Variants in GRM5 observed in about 807,000 individuals in gnomAD.
GRM5 encodes glutamate metabotropic receptor 5.
A neutral mutation model predicts 83.1 loss-of-function variants in GRM5; 19 were observed. The ratio of observed to expected loss-of-function variants is 0.23; its 90% CI spans 0.16 to 0.34. The LOEUF (loss-of-function observed/expected upper bound fraction) is 0.34, where lower values mean the gene tolerates loss of function less well. GRM5 is among the 10% of genes least tolerant of loss of function. GRM5 has a pLI of 1.00. For missense variants in GRM5, 1,160 were observed against 1,588.3 expected (o/e 0.73, Z 4.58); for synonymous variants, 675 against 633.6 (o/e 1.07, Z -0.98).
At position 88,865,748 on chromosome 11, in the gene GRM5, G is replaced by A. The variant is rs139243506; in HGVS notation, c.662-15593C>T. On this transcript the variant is annotated intron_variant, in intron 2 of 9. Transcript: ENST00000305447. ...CAACCCCATGAAAAAGTGGGTGAAG[G>A]ATATGAACAGACATTTCGCAAAAGA... Among the ~76,000 whole-genome samples the A allele has an allele frequency of 9.8e-3, 1,491 of 152,052 alleles. 27 individuals carry two copies. The highest frequency in any genetic ancestry group is 0.071 in the East Asian group (369 of 5,172).
intron 2 of GRM5, among the ~76,000 whole-genome samples, chr11:88,967,036 C>T (rs898947936): frequency 2.0e-5 from 3 of 151,884 alleles, no homozygotes; most frequent in South Asian, 2.1e-4. Flanking sequence ...TACACCCTAT[C>T]GGGCATAGTA....
At chr11:88,589,201 C>G (rs771108877) in intron 7 of GRM5, among the ~76,000 whole-genome samples, 19 of 150,842 alleles carry the variant, frequency 1.3e-4, no homozygotes, top group Non-Finnish European at 2.8e-4. Context: ...TCAAGAAAAC[C>G]AATCATAGTA....
At chr11:88,923,370 T>TA (rs995921197) in intron 2 of GRM5, among the ~76,000 whole-genome samples, 2 of 152,188 alleles carry the variant, frequency 1.3e-5, no homozygotes, top group South Asian at 2.1e-4. Flanking sequence ...TATTCAGGCA[T>TA]AAAAAAATGA....
At chr11:89,057,288 C>T (rs4592422) in intron 1 of GRM5, among the ~76,000 whole-genome samples, 136,171 of 152,168 alleles carry the variant, frequency 0.89, 60,984 homozygotes, top group East Asian at 0.92. Context: ...TAAGAGACAG[C>T]CTGAGGTGCA....
intron 2 of GRM5, among the ~76,000 whole-genome samples, chr11:89,043,556 G>A (rs1383036940): frequency 1.3e-5 from 2 of 150,048 alleles, no homozygotes; most frequent in African/African-American, 5.0e-5. Context: ...CGAATTTCAA[G>A]AATATTAATG....
intron 3 of GRM5, among the ~76,000 whole-genome samples, chr11:88,666,205 C>A (rs72643304): frequency 0.021 from 3,134 of 152,260 alleles, 87 homozygotes; most frequent in East Asian, 0.12. Context: ...GTTCATTAGT[C>A]TATTTCCTGT....
At chr11:88,865,421 A>G (rs1370393091) in intron 2 of GRM5, among the ~76,000 whole-genome samples, 1 of 152,230 alleles carries the variant, frequency 6.6e-6, no homozygotes, top group African/African-American at 2.4e-5. Flanking sequence ...AAGATGGATT[A>G]AAGACTTAAA....
At chr11:88,565,125 T>A (rs1309736074) in intron 8 of GRM5, among the ~76,000 whole-genome samples, 3 of 151,052 alleles carry the variant, frequency 2.0e-5, no homozygotes. Context: ...ATCTCCATTT[T>A]TTCGGAGGAA....
intron 2 of GRM5, among the ~76,000 whole-genome samples, chr11:88,998,815 A>G (rs1438086869): frequency 1.3e-5 from 2 of 152,238 alleles, no homozygotes; most frequent in Non-Finnish European, 2.9e-5. Flanking sequence ...AAAATAAAAA[A>G]TTACCATTTA....
chr11:88,791,579 T>A (rs1327362120), intron 3 of GRM5, among the ~76,000 whole-genome samples: 1 of 152,154 alleles, frequency 6.6e-6, no homozygotes, highest in Admixed American at 6.5e-5. Context: ...CTTGATAACT[T>A]GGACAAGGAC....
At chr11:88,838,868 T>TAC (rs59388840) in intron 3 of GRM5, among the ~76,000 whole-genome samples, 13,913 of 144,728 alleles carry the variant, frequency 0.096, 731 homozygotes, top group East Asian at 0.2. Context: ...CCCCTTATGC[T>TAC]ACACACACAC....
chr11:88,653,551 T>C, intron 3 of GRM5, 148 bp from the exon 4 acceptor site: 1 of 587,728 alleles, frequency 1.7e-6, no homozygotes, highest in South Asian at 2.3e-5. Context: ...ATTATTGATA[T>C]AGAAGCTTGT....
At chr11:88,771,978 C>T (rs979186420) in intron 3 of GRM5, among the ~76,000 whole-genome samples, 7 of 151,884 alleles carry the variant, frequency 4.6e-5, no homozygotes, top group African/African-American at 7.3e-5. Context: ...TGGAGACTGA[C>T]TTCTTTTACT....
chr11:88,505,173 A>G lies in GRM5; in HGVS notation c.*3419T>C, dbSNP rs1941151157. The G allele has an allele frequency of 6.6e-6, 1 of 152,072 alleles. No homozygotes were observed. The highest frequency in any genetic ancestry group is 2.4e-5 in the African/African-American group (1 of 41,410). 9.4% of individuals were successfully genotyped at this position (152,072 alleles called of 1,614,324 possible). ...TGTCTTTATGCTTTCACTGATCTGT[A>G]TTTTTTCACAGTATAAAATTGTAAA... On this transcript the variant is annotated 3_prime_UTR_variant, in exon 10 of 10. Transcript: ENST00000305447.
chr11:88,740,673 T>C (rs1942008629), intron 3 of GRM5, among the ~76,000 whole-genome samples: 1 of 152,014 alleles, frequency 6.6e-6, no homozygotes, highest in South Asian at 2.1e-4. Flanking sequence ...ACAAAAATAA[T>C]AAATTTAATC....
intron 2 of GRM5, among the ~76,000 whole-genome samples, chr11:89,009,516 GTAATA>G (rs746412552): frequency 3.3e-5 from 5 of 152,122 alleles, no homozygotes; most frequent in Admixed American, 6.5e-5. Flanking sequence ...TATTCATTAA[GTAATA>G]TAATAAAGTA....
chr11:88,659,563 T>C (rs1056835921), intron 3 of GRM5, among the ~76,000 whole-genome samples: 1 of 152,208 alleles, frequency 6.6e-6, no homozygotes, highest in African/African-American at 2.4e-5. Flanking sequence ...ATTGTATGCT[T>C]ATACTAAAAG....
chr11:88,507,239 T>C lies in GRM5; in HGVS notation c.*1353A>G, dbSNP rs1337978531. The C allele has an allele frequency of 6.6e-6, 1 of 152,190 alleles. No individual in the cohort carries two copies. Among genetic ancestry groups the C allele is most frequent in the African/African-American group, 2.4e-5 (1 of 41,428 alleles). The allele number at this position is 152,190 out of a possible 1,614,324, so 9.4% of individuals were successfully genotyped here. A position where few individuals can be genotyped will look rare whatever the true frequency, so the allele number is the denominator to read the frequency against. On this transcript the variant is annotated 3_prime_UTR_variant, in exon 10 of 10. Coordinates refer to ENST00000305447, the MANE Select transcript of GRM5 (RefSeq NM_001143831.3). ...TTAATCATTATTTTAAAAAAGAAAA[T>C]AAGAATTGCTTTGCCTCTTTTTGGA...
intron 2 of GRM5, among the ~76,000 whole-genome samples, chr11:88,962,702 C>T (rs924968458): frequency 3.3e-5 from 5 of 152,072 alleles, no homozygotes; most frequent in Admixed American, 2.6e-4. Context: ...GTACTCTAAC[C>T]TACAGTATCT....
Sources: allele counts gnomAD v4.1 joint callset (sites outside exome capture counted in the v4.1 genomes callset), GRCh38; gene constraint gnomAD v4.1.1; transcripts MANE v1.5; gene names NCBI Gene and HGNC (gene_info 2026-07-23, HGNC 2026-07-21).